PRKACB: variants seen among roughly 807,000 people sequenced by gnomAD.
The protein encoded by PRKACB is protein kinase cAMP-activated catalytic subunit beta, also known as cAMP-dependent protein kinase catalytic subunit beta.
PRKACB carries 16 observed loss-of-function variants against 51.4 expected under a neutral mutation model. That is an observed-to-expected ratio of 0.31 (90% CI 0.21 to 0.47). PRKACB has a LOEUF of 0.47. PRKACB is among the 20% of genes least tolerant of loss of function. The pLI is 1.00. For synonymous variants in PRKACB, 147 were observed against 154.4 expected (o/e 0.95, Z 0.35); for missense variants, 309 against 464.5 (o/e 0.67, Z 3.08).
intron 7 of PRKACB, 44 bp from the exon 8 acceptor site, chr1:84,202,639 G>T: frequency 6.5e-7 from 1 of 1,537,964 alleles, no homozygotes; most frequent in Non-Finnish European, 8.8e-7. Context: ...ATTCTCTTTT[G>T]AGTAACTTAA....
Position 84,236,794 on chromosome 1 carries a change from C to T in PRKACB, c.*1489C>T, listed in dbSNP as rs1222964390. On this transcript the variant is annotated 3_prime_UTR_variant, in exon 10 of 10. Coordinates refer to ENST00000370685, the MANE Select transcript of PRKACB (RefSeq NM_182948.4). ...TTTTTTCTTTGCTTTTAATTTTCCC[C>T]ATCTGATTTTATCTCTGCGTTTCAG... The T allele has an allele frequency of 5.2e-5, 8 of 152,482 alleles. No individual in the cohort carries two copies. The highest frequency in any genetic ancestry group is 5.2e-4 in the Admixed American group (8 of 15,256). The allele number at this position is 152,482 out of a possible 1,614,324, so 9.4% of individuals were successfully genotyped here. A position where few individuals can be genotyped will look rare whatever the true frequency, so the allele number is the denominator to read the frequency against.
chr1:84,115,839 G>T (rs1027925553), intron 1 of PRKACB, among the ~76,000 whole-genome samples: 4 of 130,546 alleles, frequency 3.1e-5, no homozygotes, highest in African/African-American at 6.0e-5. Flanking sequence ...CCGAGATCGT[G>T]CCATTGCACT....
At chr1:84,220,491 G>A (rs1350530926) in intron 9 of PRKACB, among the ~76,000 whole-genome samples, 1 of 152,094 alleles carries the variant, frequency 6.6e-6, no homozygotes, top group African/African-American at 2.4e-5. Context: ...GAATAGGAGT[G>A]GTGAAAGTGG....
chr1:84,214,085 T>G (rs1672526675), intron 8 of PRKACB, 68 bp from the exon 9 acceptor site: 1 of 1,435,314 alleles, frequency 7.0e-7, no homozygotes, highest in South Asian at 1.6e-5. Flanking sequence ...AAAAAAACTT[T>G]ATGAAATCAA....
At chr1:84,220,408 T>C (rs1394754418) in intron 9 of PRKACB, among the ~76,000 whole-genome samples, 1 of 152,108 alleles carries the variant, frequency 6.6e-6, no homozygotes, top group Admixed American at 6.5e-5. Flanking sequence ...TGTATTTAGA[T>C]GCCTTGCATT....
At chr1:84,097,776 TAAAAG>T (rs887239963) in intron 1 of PRKACB, among the ~76,000 whole-genome samples, 18 of 152,094 alleles carry the variant, frequency 1.2e-4, no homozygotes, top group Non-Finnish European at 1.8e-4. Context: ...ATTCCAGTCT[TAAAAG>T]AAAAGAAAAA....
chr1:84,086,111 G>A (rs1647963097), intron 1 of PRKACB: 6 of 1,508,216 alleles, frequency 4.0e-6, no homozygotes, highest in South Asian at 1.1e-5. Context: ...CCTCGCCATT[G>A]AGTATGAGGT....
At chr1:84,144,017 A>G (rs1417068550), upstream of PRKACB, among the ~76,000 whole-genome samples, 1 of 152,118 alleles carries the variant, frequency 6.6e-6, no homozygotes, top group Non-Finnish European at 1.5e-5. Flanking sequence ...TACATGTTTA[A>G]CTAGTTTTCT....
chr1:84,205,212 A>T, intron 8 of PRKACB: 2 of 984,782 alleles, frequency 2.0e-6, no homozygotes, highest in South Asian at 9.4e-5. Context: ...ATGAAAGTGG[A>T]ATTTTTGCCA....
intron 1 of PRKACB, among the ~76,000 whole-genome samples, chr1:84,153,043 A>C (rs76554901): frequency 6.6e-6 from 1 of 152,072 alleles, no homozygotes; most frequent in African/African-American, 2.4e-5. Context: ...TTGTAAGGCT[A>C]TTGATCGGCG....
intron 9 of PRKACB, among the ~76,000 whole-genome samples, chr1:84,220,963 T>A (rs1673616764): frequency 1.3e-5 from 2 of 152,138 alleles, no homozygotes; most frequent in East Asian, 3.8e-4. Context: ...GTAGAATAAG[T>A]TAGGAAGAAT....
intron 9 of PRKACB, among the ~76,000 whole-genome samples, chr1:84,225,114 G>A (rs565800103): frequency 3.3e-4 from 50 of 152,180 alleles, no homozygotes; most frequent in Non-Finnish European, 2.8e-4. Context: ...CTGTCCTCAG[G>A]CCCCTATTGG....
chr1:84,181,024 TAAA>T (rs771261836), intron 2 of PRKACB, among the ~76,000 whole-genome samples: 31 of 152,014 alleles, frequency 2.0e-4, no homozygotes, highest in Non-Finnish European at 3.4e-4. Context: ...TCTGTGTTGA[TAAA>T]AAAATCTTAT....
intron 1 of PRKACB, among the ~76,000 whole-genome samples, chr1:84,101,310 TTATC>T (rs2100808913): frequency 6.6e-6 from 1 of 152,300 alleles, no homozygotes; most frequent in South Asian, 2.1e-4. Context: ...TCCACCCAAA[TTATC>T]TATGGTAATC....
intron 2 of PRKACB, among the ~76,000 whole-genome samples, chr1:84,180,417 G>T (rs1055717181): frequency 6.6e-6 from 1 of 150,988 alleles, no homozygotes; most frequent in Non-Finnish European, 1.5e-5. Flanking sequence ...GGCACTTGGT[G>T]GGGGAGAATG....
intron 1 of PRKACB, among the ~76,000 whole-genome samples, chr1:84,121,957 T>A (rs1651117869): frequency 6.6e-6 from 1 of 152,148 alleles, no homozygotes; most frequent in Non-Finnish European, 1.5e-5. Context: ...GAGGTGGTTT[T>A]ATCTACCATT....
intron 9 of PRKACB, among the ~76,000 whole-genome samples, chr1:84,224,070 G>T (rs1674182955): frequency 6.6e-6 from 1 of 152,120 alleles, no homozygotes; most frequent in African/African-American, 2.4e-5. Context: ...TAGTCTCTAT[G>T]ATTTCTTCAG....
chr1:84,228,513 A>C (rs913727909), intron 9 of PRKACB, among the ~76,000 whole-genome samples: 1 of 45,518 alleles, frequency 2.2e-5, no homozygotes, highest in African/African-American at 4.6e-5. Flanking sequence ...TGTGCAGATT[A>C]TGATTTTTTT....
rs895703765 is a variant in PRKACB, at chr1:84,118,168, C to T, written c.46+39797C>T. 1.3e-5 allele frequency among the ~76,000 whole-genome samples: 2 copies of T among 152,114 alleles called. 1 individual carries two copies. The highest frequency in any genetic ancestry group is 1.3e-4 in the Admixed American group (2 of 15,260). On this transcript the variant is annotated intron_variant, in intron 1 of 8. Transcript: ENST00000370688. ...TAAAGTTCTGTCACTTATGCTGTCC[C>T]TGTAATATGGAGCCCTTCTAGGCTC...
Sources: allele counts gnomAD v4.1 joint callset (sites outside exome capture counted in the v4.1 genomes callset), GRCh38; gene constraint gnomAD v4.1.1; transcripts MANE v1.5; gene names NCBI Gene and HGNC (gene_info 2026-07-23, HGNC 2026-07-21).